The following ACOXL variants were observed in gnomAD, a reference collection of about 807,000 sequenced individuals.
ACOXL encodes acyl-coenzyme A oxidase-like protein.
ACOXL carries 70 observed loss-of-function variants against 71.9 expected under a neutral mutation model. The ratio of observed to expected loss-of-function variants is 0.97; its 90% CI spans 0.80 to 1.19. The LOEUF (loss-of-function observed/expected upper bound fraction) is 1.19. ACOXL is among the 50% of genes most tolerant of loss of function. The probability of loss-of-function intolerance (pLI) is 0.00; values close to 1 mark genes in which losing one functional copy is unlikely to be tolerated. For missense variants in ACOXL, 703 were observed against 736.3 expected, an observed-to-expected ratio of 0.95 and a Z score of 0.52; for synonymous variants, 253 against 281.6, an observed-to-expected ratio of 0.90 and a Z score of 1.02.
chr2:111,015,430 C>A (rs1389373776), intron 14 of ACOXL, among the ~76,000 whole-genome samples: 1 of 152,186 alleles, frequency 6.6e-6, no homozygotes, highest in Non-Finnish European at 1.5e-5. Flanking sequence ...CCACGACACA[C>A]CCACTGAAAT....
chr2:111,043,661 T>C (rs937693698), intron 15 of ACOXL, among the ~76,000 whole-genome samples: 1 of 152,076 alleles, frequency 6.6e-6, no homozygotes, highest in African/African-American at 2.4e-5. Flanking sequence ...GAGAGGCTGG[T>C]GAGGAGACGT....
intron 16 of ACOXL, among the ~76,000 whole-genome samples, chr2:111,065,778 A>G (rs574988196): frequency 2.0e-5 from 3 of 152,222 alleles, no homozygotes; most frequent in Non-Finnish European, 4.4e-5. Flanking sequence ...ATCATTAACC[A>G]TTAAGGAAAT....
intron 10 of ACOXL, among the ~76,000 whole-genome samples, chr2:110,858,607 T>C (rs1233013875): frequency 6.6e-6 from 1 of 152,236 alleles, no homozygotes; most frequent in Non-Finnish European, 1.5e-5. Context: ...TGAGAGTGTC[T>C]GTATGCACCA....
intron 12 of ACOXL, among the ~76,000 whole-genome samples, chr2:110,972,958 G>A (rs926963064): frequency 3.3e-5 from 5 of 152,218 alleles, no homozygotes; most frequent in African/African-American, 4.8e-5. Context: ...ACCACATTAT[G>A]TGCTCAATTG....
At chr2:111,003,608 C>T (rs1309450975) in intron 14 of ACOXL, among the ~76,000 whole-genome samples, 2 of 145,506 alleles carry the variant, frequency 1.4e-5, no homozygotes, top group East Asian at 2.0e-4. Context: ...TTACCACTTC[C>T]GAGCTTCAGT....
At chr2:110,842,196 G>T (rs1691259687) in intron 10 of ACOXL, among the ~76,000 whole-genome samples, 1 of 152,122 alleles carries the variant, frequency 6.6e-6, no homozygotes, top group Non-Finnish European at 1.5e-5. Flanking sequence ...CACGTGAATT[G>T]GGCAATCATA....
Position 110,926,409 on chromosome 2 carries a change from G to A in ACOXL, c.906-7080G>A, listed in dbSNP as rs80138537. 9.6e-3 allele frequency among the ~76,000 whole-genome samples: 1,460 copies of A among 152,222 alleles called. 29 individuals are homozygous for A. Among genetic ancestry groups the A allele is most frequent in the African/African-American group, 0.033 (1,363 of 41,518 alleles). On this transcript the variant is annotated intron_variant, in intron 11 of 17. Transcript: ENST00000439055. ...ATGAAATGGGCTTGAGACAGGGCCC[G>A]GCATATCATACATGCTCCAGTGTGG...
chr2:110,818,389 G>A (rs570488829), intron 9 of ACOXL, among the ~76,000 whole-genome samples: 1 of 29,684 alleles, frequency 3.4e-5, no homozygotes, highest in African/African-American at 8.9e-5. Context: ...GTGAGACTCT[G>A]TCTCAAAAAA....
At chr2:110,745,619 G>A (rs746538601) in intron 1 of ACOXL, among the ~76,000 whole-genome samples, 10 of 152,254 alleles carry the variant, frequency 6.6e-5, no homozygotes, top group Non-Finnish European at 1.5e-4. Flanking sequence ...TGGGAAGTTA[G>A]TGGGGGTTCT....
At chr2:110,993,670 G>T (rs2063274564) in intron 13 of ACOXL, among the ~76,000 whole-genome samples, 1 of 152,114 alleles carries the variant, frequency 6.6e-6, no homozygotes, top group African/African-American at 2.4e-5. Flanking sequence ...CTAGATCATA[G>T]GGTATGTGTT....
intron 14 of ACOXL, among the ~76,000 whole-genome samples, chr2:111,003,939 G>A (rs912582524): frequency 3.3e-5 from 5 of 152,166 alleles, no homozygotes; most frequent in Non-Finnish European, 7.4e-5. Context: ...CAAAACCTAC[G>A]AACTTAGAGG....
chr2:110,880,183 GA>G (rs1696471357), intron 10 of ACOXL, among the ~76,000 whole-genome samples: 1 of 146,956 alleles, frequency 6.8e-6, no homozygotes, highest in African/African-American at 2.5e-5. Flanking sequence ...GAAAAGAAAA[GA>G]AAGGAAAAAA....
intron 10 of ACOXL, among the ~76,000 whole-genome samples, chr2:110,899,424 G>C (rs2059139926): frequency 6.6e-6 from 1 of 152,162 alleles, no homozygotes; most frequent in African/African-American, 2.4e-5. Flanking sequence ...GCAGGTTCTG[G>C]ATGGCTTTTG....
intron 9 of ACOXL, among the ~76,000 whole-genome samples, chr2:110,808,852 C>T (rs1686975723): frequency 6.6e-6 from 1 of 152,238 alleles, no homozygotes; most frequent in Non-Finnish European, 1.5e-5. Flanking sequence ...TAGGTGGGTT[C>T]TGTCTCCTTC....
intron 9 of ACOXL, among the ~76,000 whole-genome samples, chr2:110,809,559 A>G (rs1188155640): frequency 6.6e-6 from 1 of 152,214 alleles, no homozygotes; most frequent in Non-Finnish European, 1.5e-5. Context: ...AACTGGCTTC[A>G]GGGGATTCTC....
intron 12 of ACOXL, among the ~76,000 whole-genome samples, chr2:110,956,397 C>G (rs1466215780): frequency 6.6e-6 from 1 of 152,100 alleles, no homozygotes; most frequent in African/African-American, 2.4e-5. Context: ...GCGAATAAGT[C>G]CTGAGAGTGC....
chr2:110,946,745 C>T (rs1436984330), intron 12 of ACOXL, among the ~76,000 whole-genome samples: 1 of 152,184 alleles, frequency 6.6e-6, no homozygotes, highest in Non-Finnish European at 1.5e-5. Flanking sequence ...CTTTGCTGAG[C>T]TGCCCCGTGG....
Position 110,793,864 on chromosome 2 carries a change from G to A in ACOXL, c.246+128G>A, listed in dbSNP as rs576006678. ...CAGAATTTGTATCAGCAAAAATCTT[G>A]TTGAAAATGAGAATTCCAAGACTAT... is the stretch of plus-strand genomic sequence containing the variant. On this transcript the variant is annotated intron_variant, in intron 4 of 17. Coordinates refer to ENST00000439055, the MANE Select transcript of ACOXL (RefSeq NM_001142807.4). 29 of 953,504 alleles carry A rather than the reference G, an allele frequency of 3.0e-5. No individual in the cohort carries two copies. In the South Asian group the frequency reaches 4.0e-4, roughly 13 times the overall value. 59.1% of individuals were successfully genotyped at this position (953,504 alleles called of 1,614,324 possible). A position where few individuals can be genotyped will look rare whatever the true frequency, so the allele number is the denominator to read the frequency against.
At chr2:110,964,641 T>C (rs2061847736) in intron 12 of ACOXL, among the ~76,000 whole-genome samples, 1 of 152,244 alleles carries the variant, frequency 6.6e-6, no homozygotes, top group Non-Finnish European at 1.5e-5. Context: ...TACAGCATGA[T>C]ACTGTACTGA....
Sources: gnomAD v4.1 joint callset for allele counts (sites outside exome capture counted in the v4.1 genomes callset) on GRCh38, gnomAD v4.1.1 for gene constraint, MANE v1.5 for transcripts, NCBI Gene and HGNC (gene_info 2026-07-23, HGNC 2026-07-21) for gene names.